Variants in TTC28 observed in about 807,000 individuals in gnomAD.
The protein encoded by TTC28 is tetratricopeptide repeat domain 28.
In TTC28, 61 loss-of-function variants were observed where a neutral mutation model predicts 198.0. That is an observed-to-expected ratio of 0.31 (90% CI 0.25 to 0.38). The LOEUF is 0.38. Ranked by LOEUF, TTC28 falls within the 10% of genes least tolerant of loss-of-function variation. The pLI is 1.00. For missense variants in TTC28, 2,678 were observed against 3,164.0 expected (o/e 0.85, Z 3.69); for synonymous variants, 1,171 against 1,297.8 (o/e 0.90, Z 2.10).
intron 2 of TTC28, among the ~76,000 whole-genome samples, chr22:28,471,493 T>A (rs1381006582): frequency 1.3e-5 from 2 of 152,204 alleles, no homozygotes; most frequent in Non-Finnish European, 2.9e-5. Context: ...GAGCTTGTAT[T>A]ATTTGGTGAA....
At chr22:28,297,504 A>T (rs1438147459) in intron 4 of TTC28, 76 bp downstream of exon 4, 35 of 1,468,568 alleles carry the variant, frequency 2.4e-5, no homozygotes, top group Non-Finnish European at 3.2e-5. Context: ...TTCATTGCAT[A>T]TTATTCTCAT....
At position 28,012,687 on chromosome 22, in the gene TTC28, T is replaced by C. The variant is rs548796840; in HGVS notation, c.4218+1561A>G. ...CCATCATGCCTGGCTAATTTTTGTATTTTTTGTAGAGACGAGGTCTCACTA... is the reference window on the plus strand; with the variant it reads ...CCATCATGCCTGGCTAATTTTTGTACTTTTTGTAGAGACGAGGTCTCACTA... On this transcript the variant is annotated intron_variant, in intron 14 of 22. Coordinates refer to ENST00000397906, the MANE Select transcript of TTC28 (RefSeq NM_001145418.2). Among the ~76,000 whole-genome samples, 5 of 152,264 alleles carry C rather than the reference T, an allele frequency of 3.3e-5. No homozygotes were observed. In the East Asian group the frequency reaches 9.6e-4, roughly 29 times the overall value.
At chr22:28,047,463 C>T (rs913883291) in intron 12 of TTC28, among the ~76,000 whole-genome samples, 4 of 152,178 alleles carry the variant, frequency 2.6e-5, no homozygotes, top group East Asian at 3.9e-4. Flanking sequence ...CACAGCCAGA[C>T]GCCAAGGGCT....
At chr22:28,229,805 A>G (rs1928663858) in intron 5 of TTC28, among the ~76,000 whole-genome samples, 1 of 152,168 alleles carries the variant, frequency 6.6e-6, no homozygotes, top group Non-Finnish European at 1.5e-5. Context: ...CTGCCCAGAA[A>G]TGTCCACTGC....
chr22:28,345,995 G>T (rs2045897686), intron 2 of TTC28, among the ~76,000 whole-genome samples: 1 of 152,150 alleles, frequency 6.6e-6, no homozygotes, highest in Admixed American at 6.6e-5. Context: ...GAAGTTGGTG[G>T]AGATGGTGGT....
In TTC28 at chr22:28,658,144, T is replaced by C. The variant is rs972784403; in HGVS notation, c.102+21478A>G. Among the ~76,000 whole-genome samples the C allele has an allele frequency of 3.9e-5, 6 of 152,284 alleles. No homozygotes were observed. The East Asian group carries it at 1.2e-3, about 29-fold the overall frequency. On this transcript the variant is annotated intron_variant, in intron 1 of 22. Coordinates refer to ENST00000397906, the MANE Select transcript of TTC28 (RefSeq NM_001145418.2). ...ATCTGAAGTTATTATGTACAAAAAGTAATAAAATATTACACAAGAAAAATT... is the reference window on the plus strand; with the variant it reads ...ATCTGAAGTTATTATGTACAAAAAGCAATAAAATATTACACAAGAAAAATT...
chr22:28,093,706 G>A (rs754399679), intron 12 of TTC28, among the ~76,000 whole-genome samples: 8 of 152,038 alleles, frequency 5.3e-5, no homozygotes, highest in African/African-American at 1.7e-4. Context: ...TCAAATAGGC[G>A]TTCAGCTACA....
At chr22:28,328,774 TAATA>T in intron 2 of TTC28, among the ~76,000 whole-genome samples, 1 of 142,062 alleles carries the variant, frequency 7.0e-6, no homozygotes, top group East Asian at 2.0e-4. Context: ...ATAATAATAA[TAATA>T]ATAATAATAA....
intron 6 of TTC28, among the ~76,000 whole-genome samples, chr22:28,159,923 T>C (rs1472303977): frequency 6.6e-6 from 1 of 152,164 alleles, no homozygotes; most frequent in African/African-American, 2.4e-5. Context: ...ACAATATTGA[T>C]GGTCATTATG....
intron 2 of TTC28, among the ~76,000 whole-genome samples, chr22:28,396,817 C>T (rs367551871): frequency 6.6e-6 from 1 of 152,174 alleles, no homozygotes; most frequent in Non-Finnish European, 1.5e-5. Context: ...ATTCAACTTG[C>T]ACACAGCAAC....
At chr22:28,370,074 A>C (rs1011611591) in intron 2 of TTC28, among the ~76,000 whole-genome samples, 1 of 152,158 alleles carries the variant, frequency 6.6e-6, no homozygotes, top group Non-Finnish European at 1.5e-5. Flanking sequence ...GGTGGGGCTT[A>C]GCCAGTGAGA....
chr22:28,145,408 C>T (rs1378566504), intron 6 of TTC28, among the ~76,000 whole-genome samples: 1 of 152,134 alleles, frequency 6.6e-6, no homozygotes, highest in Non-Finnish European at 1.5e-5. Flanking sequence ...ACATTAGATA[C>T]ACCACCTACT....
chr22:28,207,731 T>C (rs1297812946), intron 5 of TTC28, among the ~76,000 whole-genome samples: 1 of 152,174 alleles, frequency 6.6e-6, no homozygotes, highest in Non-Finnish European at 1.5e-5. Context: ...GAATGGTCTC[T>C]ATTTTCTCTC....
intron 2 of TTC28, among the ~76,000 whole-genome samples, chr22:28,569,384 G>A (rs2050027454): frequency 1.3e-5 from 2 of 151,992 alleles, no homozygotes; most frequent in African/African-American, 4.8e-5. Flanking sequence ...GCAGGTTAGA[G>A]AATCCAGAAA....
chr22:28,355,507 A>G (rs2046063017), intron 2 of TTC28, among the ~76,000 whole-genome samples: 1 of 152,252 alleles, frequency 6.6e-6, no homozygotes, highest in South Asian at 2.1e-4. Flanking sequence ...TGCACTAGGC[A>G]TTTTACATAT....
chr22:28,308,756 TTTC>T, intron 2 of TTC28, among the ~76,000 whole-genome samples: 1 of 152,312 alleles, frequency 6.6e-6, no homozygotes, highest in East Asian at 1.9e-4. Context: ...CTTGGTTTCC[TTTC>T]TTCAAGAAAA....
intron 12 of TTC28, among the ~76,000 whole-genome samples, chr22:28,047,901 T>C (rs1317414559): frequency 6.6e-6 from 1 of 152,106 alleles, no homozygotes; most frequent in African/African-American, 2.4e-5. Flanking sequence ...CTGGTAGGCA[T>C]GAAGGAAGGG....
intron 2 of TTC28, among the ~76,000 whole-genome samples, chr22:28,512,979 A>ATTTTTTTTT (rs695729): frequency 1.6e-5 from 2 of 125,896 alleles, no homozygotes; most frequent in Non-Finnish European, 3.2e-5. Context: ...TTTAACCTGG[A>ATTTTTTTTT]TTTTTTTTTT....
At chr22:28,558,226 C>A (rs1393707277) in intron 2 of TTC28, among the ~76,000 whole-genome samples, 1 of 152,166 alleles carries the variant, frequency 6.6e-6, no homozygotes, top group Non-Finnish European at 1.5e-5. Context: ...TCCAGAGGAA[C>A]TATCATGGAC....
Sources: allele counts gnomAD v4.1 joint callset (sites outside exome capture counted in the v4.1 genomes callset), GRCh38; gene constraint gnomAD v4.1.1; transcripts MANE v1.5; gene names NCBI Gene and HGNC (gene_info 2026-07-23, HGNC 2026-07-21).